The following BTG4 variants were observed in gnomAD, a reference collection of about 807,000 sequenced individuals.
BTG4 encodes BTG anti-proliferation factor 4, also known as protein BTG4.
In BTG4, 10 loss-of-function variants were observed where a neutral mutation model predicts 19.3. That is an observed-to-expected ratio of 0.52 (90% CI 0.32 to 0.88). The LOEUF is 0.88. Among genes scored for constraint, BTG4 ranks in the 40% least tolerant of loss-of-function variants. BTG4 has a pLI of 0.04. For synonymous variants in BTG4, 91 were observed against 95.7 expected (o/e 0.95, Z 0.29); for missense variants, 238 against 281.9 (o/e 0.84, Z 1.11).
chr11:111,387,601 T>A, the BTG4 span, among the ~76,000 whole-genome samples: 1 of 152,194 alleles, frequency 6.6e-6, no homozygotes, highest in Non-Finnish European at 1.5e-5. Context: ...ACTAGACAGA[T>A]GGCCTCTAGC....
chr11:111,384,276 G>T, the BTG4 span, among the ~76,000 whole-genome samples: 2 of 150,914 alleles, frequency 1.3e-5, no homozygotes, highest in African/African-American at 4.9e-5. Flanking sequence ...GGTTATTCTT[G>T]CCCTGTCCTT....
At chr11:111,461,671 GC>G in the BTG4 span, among the ~76,000 whole-genome samples, 48,511 of 151,690 alleles carry the variant, frequency 0.32, 8,090 homozygotes, top group Admixed American at 0.45. Flanking sequence ...CCGAGATTGC[GC>G]CATTGCCCTC....
At chr11:111,399,252 T>C in the BTG4 span, 1 of 152,206 alleles carries the variant, frequency 6.6e-6, no homozygotes, top group Non-Finnish European at 1.5e-5. Flanking sequence ...ACTGTCCAAA[T>C]GGGCAATGTG....
chr11:111,436,803 C>A, the BTG4 span, among the ~76,000 whole-genome samples: 17 of 152,162 alleles, frequency 1.1e-4, no homozygotes, highest in Non-Finnish European at 2.1e-4. Context: ...CCAGTCCACA[C>A]ACCCAGGCAA....
chr11:111,500,849 G>A (rs916549158), intron 1 of BTG4, among the ~76,000 whole-genome samples: 3 of 152,036 alleles, frequency 2.0e-5, no homozygotes, highest in Non-Finnish European at 4.4e-5. Context: ...GAATTTGCAA[G>A]TACTCTTTTT....
the BTG4 span, among the ~76,000 whole-genome samples, chr11:111,395,798 A>G: frequency 1.3e-5 from 2 of 152,178 alleles, no homozygotes; most frequent in Non-Finnish European, 2.9e-5. Context: ...GAGAACACAC[A>G]GAGTTGGAGA....
chr11:111,390,640 C>G, the BTG4 span, among the ~76,000 whole-genome samples: 1 of 152,200 alleles, frequency 6.6e-6, no homozygotes, highest in Non-Finnish European at 1.5e-5. Context: ...GAGCCCTAAG[C>G]TCAGTCACAC....
the BTG4 span, chr11:111,451,247 G>C: frequency 2.2e-5 from 7 of 323,764 alleles, 1 homozygote; most frequent in South Asian, 9.6e-5. Context: ...CTCTCCTCAG[G>C]GGCCACTTCT....
At chr11:111,427,694 G>A in the BTG4 span, among the ~76,000 whole-genome samples, 1 of 152,218 alleles carries the variant, frequency 6.6e-6, no homozygotes, top group African/African-American at 2.4e-5. Flanking sequence ...AGTCTTTAGA[G>A]GGATACTCTG....
chr11:111,459,650 G>A, the BTG4 span: 3 of 152,662 alleles, frequency 2.0e-5, no homozygotes, highest in Non-Finnish European at 2.9e-5. Context: ...GGACAGAGCT[G>A]TGGGCCCCAG....
At chr11:111,472,328 G>A (rs1288076873) in intron 5 of BTG4, among the ~76,000 whole-genome samples, 1 of 152,218 alleles carries the variant, frequency 6.6e-6, no homozygotes, top group East Asian at 1.9e-4. Context: ...GGTTCCCTGT[G>A]CCTGGAATAC....
intron 4 of BTG4, among the ~76,000 whole-genome samples, chr11:111,496,361 G>A (rs541140054): frequency 6.6e-6 from 1 of 152,090 alleles, no homozygotes; most frequent in African/African-American, 2.4e-5. Flanking sequence ...CATACTCTGC[G>A]ACCCAGTAGT....
rs1260935735 is a variant in BTG4 at position 111,477,403 on chromosome 11, GC to G, written c.663-9723del. On this transcript the variant is annotated intron_variant, in intron 5 of 5. Coordinates refer to the BTG4 transcript ENST00000356018. ...TAAGAAAACCTCAATAAATGTAGAA[GC>G]CATATTTACCAACTATTATCAAAAA... Among the ~76,000 whole-genome samples the G allele has an allele frequency of 2.0e-5, 3 of 152,222 alleles. No homozygotes were observed. In the East Asian group the frequency reaches 5.8e-4, roughly 29 times the overall value.
At chr11:111,504,381 A>C (rs754889203) in intron 1 of BTG4, among the ~76,000 whole-genome samples, 2 of 152,122 alleles carry the variant, frequency 1.3e-5, no homozygotes, top group African/African-American at 2.4e-5. Context: ...TTGAACTCAA[A>C]AGAAATTAAT....
the BTG4 span, among the ~76,000 whole-genome samples, chr11:111,436,635 G>GAA: frequency 0.5 from 73,354 of 145,458 alleles, 18,965 homozygotes; most frequent in South Asian, 0.78. Context: ...CTCAAAAAAA[G>GAA]AAAAAAAAAA....
chr11:111,384,387 G>A, the BTG4 span, among the ~76,000 whole-genome samples: 1 of 151,938 alleles, frequency 6.6e-6, no homozygotes, highest in African/African-American at 2.4e-5. Context: ...ACAAACACTT[G>A]GATACGTTAT....
At chr11:111,418,208 G>A in the BTG4 span, 1 of 152,238 alleles carries the variant, frequency 6.6e-6, no homozygotes, top group Non-Finnish European at 1.5e-5. Flanking sequence ...TCTGACTGCT[G>A]TGGGACCTCT....
chr11:111,415,568 A>C, the BTG4 span, among the ~76,000 whole-genome samples: 1 of 152,144 alleles, frequency 6.6e-6, no homozygotes, highest in African/African-American at 2.4e-5. Context: ...CAGGAGGAGG[A>C]GGCTGGTATT....
the BTG4 span, among the ~76,000 whole-genome samples, chr11:111,420,326 C>A: frequency 6.6e-6 from 1 of 152,342 alleles, no homozygotes; most frequent in East Asian, 1.9e-4. Flanking sequence ...CCAATCTGAG[C>A]AGCCAGCTCT....
Sources: allele counts gnomAD v4.1 joint callset (sites outside exome capture counted in the v4.1 genomes callset), GRCh38; gene constraint gnomAD v4.1.1; transcripts MANE v1.5; gene names NCBI Gene and HGNC (gene_info 2026-07-23, HGNC 2026-07-21).